The following EPHA5 variants were observed in gnomAD, a reference collection of about 807,000 sequenced individuals.
EPHA5 encodes the protein ephrin type-A receptor 5.
Under a neutral mutation model 105.0 loss-of-function variants are expected in EPHA5, and 60 were observed. That is an observed-to-expected ratio of 0.57 (90% confidence interval 0.46 to 0.71). The LOEUF is 0.71. Among genes scored for constraint, EPHA5 ranks in the 30% least tolerant of loss-of-function variants. The probability of loss-of-function intolerance (pLI) is 0.00; values close to 1 mark genes in which losing one functional copy is unlikely to be tolerated. For missense variants in EPHA5, 1,218 were observed against 1,274.7 expected (o/e 0.96, Z 0.68); for synonymous variants, 513 against 449.1 (o/e 1.14, Z -1.80).
intron 3 of EPHA5, among the ~76,000 whole-genome samples, chr4:65,539,037 G>T (rs28541529): frequency 6.8e-4 from 103 of 151,570 alleles, no homozygotes; most frequent in Admixed American, 1.2e-3. Context: ...TGTGTTTTAT[G>T]TTCTCCTTGT....
chr4:65,430,698 C>CT lies in EPHA5; in HGVS notation c.1403-10134dup, dbSNP rs752829924. ...CCAGGAATTGGCAGACCTTAGCAGT[C>CT]TTTCTTCAGAGTTTGTATTCTTGAG... On this transcript the variant is annotated intron_variant, in intron 5 of 16. Transcript: ENST00000613740. Among the ~76,000 whole-genome samples, 27 of 152,160 alleles carry CT rather than the reference C, an allele frequency of 1.8e-4. 1 individual carries two copies. In the South Asian group the frequency reaches 3.3e-3, roughly 19 times the overall value.
intron 8 of EPHA5, among the ~76,000 whole-genome samples, chr4:65,372,263 G>T (rs115446439): frequency 0.038 from 5,708 of 151,888 alleles, 155 homozygotes; most frequent in Middle Eastern, 0.1. Flanking sequence ...ACTAGACAAA[G>T]ATAGGATTAA....
chr4:65,500,823 G>GTA (rs34256025), intron 3 of EPHA5, among the ~76,000 whole-genome samples: 1,661 of 148,044 alleles, frequency 0.011, 25 homozygotes, highest in African/African-American at 0.036. Context: ...ATATGTGTGC[G>GTA]TATATATATA....
Position 65,404,394 on chromosome 4 carries a change from G to C in EPHA5, c.1773C>G (p.Ile591Met), listed in dbSNP as rs779147408. Reference protein sequence around the residue: ...TVGVILLAVVIGVLLSGRRCG... With the variant: ...TVGVILLAVVMGVLLSGRRCG... The stretch of plus-strand genomic sequence containing the variant: ...CTTACCTTCCACTGAGGAGGACGCC[G>C]ATAACCACTGCCAACAAAATGACTC... Residue 591 changes from isoleucine to methionine, a missense_variant, in exon 8 of 17, where the codon ATC becomes ATG. This residue lies in a region of EPHA5 where 971 missense variants were observed against 1,013.5 expected (regional missense o/e 0.96). Transcript: ENST00000613740. 3 of 1,613,522 alleles carry C rather than the reference G, an allele frequency of 1.9e-6. No homozygotes were observed. The South Asian group carries it at 3.3e-5, about 18-fold the overall frequency.
intron 8 of EPHA5, among the ~76,000 whole-genome samples, chr4:65,392,409 A>T (rs1394431137): frequency 6.6e-6 from 1 of 152,146 alleles, no homozygotes; most frequent in Non-Finnish European, 1.5e-5. Context: ...CATTATTTTA[A>T]AATATAATAT....
At chr4:65,456,301 C>T (rs1459611677) in intron 5 of EPHA5, among the ~76,000 whole-genome samples, 1 of 151,364 alleles carries the variant, frequency 6.6e-6, no homozygotes, top group Non-Finnish European at 1.5e-5. Context: ...ATTTCTGAAC[C>T]CTTCTTTACT....
intron 8 of EPHA5, among the ~76,000 whole-genome samples, chr4:65,397,547 C>A (rs1276797673): frequency 1.3e-5 from 2 of 152,052 alleles, no homozygotes; most frequent in Admixed American, 1.3e-4. Flanking sequence ...ATTTTTTTGA[C>A]CAGGATGAAA....
chr4:65,352,527 T>TA (rs1291503260), intron 12 of EPHA5, among the ~76,000 whole-genome samples: 1 of 152,024 alleles, frequency 6.6e-6, no homozygotes, highest in Non-Finnish European at 1.5e-5. Context: ...GATCTGATAA[T>TA]ATTAGCTATT....
At chr4:65,343,088 T>C (rs1275057106) in intron 14 of EPHA5, among the ~76,000 whole-genome samples, 1 of 152,164 alleles carries the variant, frequency 6.6e-6, no homozygotes, top group Non-Finnish European at 1.5e-5. Context: ...ATCTATACAG[T>C]CATATACTCT....
chr4:65,597,804 T>C (rs76608666), intron 3 of EPHA5, among the ~76,000 whole-genome samples: 2,775 of 152,280 alleles, frequency 0.018, 64 homozygotes, highest in Non-Finnish European at 0.022. Context: ...TATATTAAGA[T>C]GACAGATCAC....
At chr4:65,576,072 AGAAAAG>A in intron 3 of EPHA5, among the ~76,000 whole-genome samples, 1 of 82,684 alleles carries the variant, frequency 1.2e-5, no homozygotes, top group African/African-American at 4.4e-5. Context: ...AGAAAAGAAA[AGAAAAG>A]AAAAGAAAAG....
chr4:65,334,206 A>C (rs1200379080), intron 15 of EPHA5, among the ~76,000 whole-genome samples: 1 of 152,040 alleles, frequency 6.6e-6, no homozygotes, highest in African/African-American at 2.4e-5. Flanking sequence ...ACTTAGGTCT[A>C]TTTGCTTAAT....
intron 3 of EPHA5, among the ~76,000 whole-genome samples, chr4:65,594,601 C>T (rs1742991611): frequency 6.6e-6 from 1 of 152,066 alleles, no homozygotes; most frequent in African/African-American, 2.4e-5. Flanking sequence ...GGAGTGCAGA[C>T]CAGATTTAAA....
chr4:65,650,321 G>A (rs1748482546), intron 1 of EPHA5, among the ~76,000 whole-genome samples: 1 of 151,666 alleles, frequency 6.6e-6, no homozygotes, highest in Admixed American at 6.6e-5. Flanking sequence ...GCCGAGGCGG[G>A]CAGATCACGA....
At chr4:65,368,849 T>C (rs538731129) in intron 8 of EPHA5, among the ~76,000 whole-genome samples, 3 of 152,324 alleles carry the variant, frequency 2.0e-5, no homozygotes, top group South Asian at 4.1e-4. Flanking sequence ...CATGCTTCCA[T>C]AGGTTTGCAC....
intron 8 of EPHA5, among the ~76,000 whole-genome samples, chr4:65,394,217 T>C (rs966152639): frequency 6.6e-6 from 1 of 152,206 alleles, no homozygotes; most frequent in Non-Finnish European, 1.5e-5. Flanking sequence ...TTCTAAGAGA[T>C]GTTTTATTCA....
At chr4:65,640,587 A>G (rs1000787047) in intron 2 of EPHA5, among the ~76,000 whole-genome samples, 1 of 152,044 alleles carries the variant, frequency 6.6e-6, no homozygotes, top group Admixed American at 6.5e-5. Flanking sequence ...CGCCCGGCCA[A>G]AGTCATTTCT....
intron 1 of EPHA5, among the ~76,000 whole-genome samples, chr4:65,660,711 G>T (rs898736330): frequency 6.6e-6 from 1 of 151,940 alleles, no homozygotes; most frequent in Non-Finnish European, 1.5e-5. Flanking sequence ...CTGGGTTCCT[G>T]GTCTCTACAT....
intron 3 of EPHA5, chr4:65,574,244 C>G (rs1247695637): frequency 7.5e-6 from 12 of 1,598,108 alleles, no homozygotes; most frequent in Non-Finnish European, 1.0e-5. Flanking sequence ...TATCAAAAAT[C>G]AAAGCTATTC....
Sources: allele counts gnomAD v4.1 joint callset (sites outside exome capture counted in the v4.1 genomes callset), GRCh38; gene constraint gnomAD v4.1.1; regional missense constraint gnomAD v4.1.1; transcripts MANE v1.5; gene names NCBI Gene and HGNC (gene_info 2026-07-23, HGNC 2026-07-21).